The following PC variants were observed in gnomAD, a reference collection of about 807,000 sequenced individuals.
PC encodes the protein pyruvate carboxylase.
Under a neutral mutation model 107.8 loss-of-function variants are expected in PC, and 46 were observed. That is an observed-to-expected ratio of 0.43 (90% CI 0.34 to 0.55). PC has a LOEUF of 0.55. Ranked by LOEUF, PC falls within the 20% of genes least tolerant of loss-of-function variation. PC has a pLI of 0.04. For synonymous variants in PC, 662 were observed against 684.7 expected, an observed-to-expected ratio of 0.97 and a Z score of 0.52; for missense variants, 1,241 against 1,643.1, an observed-to-expected ratio of 0.76 and a Z score of 4.23.
At chr11:66,942,909 G>A (rs546080864) in intron 3 of PC, among the ~76,000 whole-genome samples, 11 of 151,950 alleles carry the variant, frequency 7.2e-5, no homozygotes, top group African/African-American at 1.9e-4. Context: ...CCAGCTACTC[G>A]GGAGGCTGAG....
At chr11:66,913,306 G>C (rs1036957828) in intron 3 of PC, among the ~76,000 whole-genome samples, 8 of 151,460 alleles carry the variant, frequency 5.3e-5, no homozygotes, top group African/African-American at 1.9e-4. Context: ...ACATTATGGG[G>C]ACTCGTCTAT....
intron 3 of PC, among the ~76,000 whole-genome samples, chr11:66,940,688 A>AAAAT (rs942184822): frequency 1.5e-4 from 22 of 148,324 alleles, no homozygotes; most frequent in East Asian, 1.3e-3. Flanking sequence ...ACCCTGTCTC[A>AAAAT]AAATAAATAA....
At chr11:66,949,096 G>A (rs959088958) in intron 3 of PC, among the ~76,000 whole-genome samples, 5 of 151,160 alleles carry the variant, frequency 3.3e-5, no homozygotes, top group East Asian at 2.0e-4. Context: ...GGGTTCAAGC[G>A]ATTCTCCTGC....
intron 3 of PC, among the ~76,000 whole-genome samples, chr11:66,878,010 T>C (rs1947044660): frequency 6.6e-6 from 1 of 151,896 alleles, no homozygotes. Context: ...TATTTATAAT[T>C]AGAAAAAAAA....
rs772717561 is a variant in PC at position 66,851,153 on chromosome 11, T to C, written c.2110A>G (p.Ile704Val). The C allele has an allele frequency of 6.2e-7, 1 of 1,612,574 alleles. No homozygotes were observed. Among genetic ancestry groups the C allele is most frequent in the South Asian group, 1.1e-5 (1 of 91,090 alleles). ...TCGGCCACGTCGCCCGTGTATGAGA[T>C]GGCAGCCTCCACCACGCCTCCGGCA... ...GSAGGVVEAA[I>V]SYTGDVADPS... Residue 704 changes from isoleucine (I) to valine (V), a missense_variant, in exon 17 of 23, where the codon ATC becomes GTC. Around this residue, in one of 2 missense-constraint regions of PC, gnomAD observed 1,143 missense variants for 1,551.9 expected, o/e 0.74. Coordinates refer to ENST00000393960, the MANE Select transcript of PC (RefSeq NM_001040716.2).
intron 3 of PC, among the ~76,000 whole-genome samples, chr11:66,889,192 G>C (rs1325674126): frequency 1.3e-5 from 2 of 152,060 alleles, no homozygotes; most frequent in Admixed American, 1.3e-4. Flanking sequence ...GTTTGAGATG[G>C]GGAGGGCAGT....
intron 10 of PC, among the ~76,000 whole-genome samples, chr11:66,867,602 G>A (rs138841666): frequency 2.0e-5 from 3 of 152,320 alleles, no homozygotes; most frequent in East Asian, 3.9e-4. Flanking sequence ...ATTCCCACCA[G>A]AGGAGGAGCT....
In PC at chr11:66,871,583, A is replaced by C. The variant is rs1195503363; in HGVS notation, c.322-103T>G. On this transcript the variant is annotated intron_variant, in intron 5 of 22. Transcript: ENST00000393960. This position sits in a 1 kb window ranked among gnomAD's most constrained non-coding sequence, Gnocchi z 7.4. ...CCTGCTGAGCTGCATCCGTTTACCC[A>C]CCCACGCACAGAGGCGCTGAGCACG... is the stretch of plus-strand genomic sequence containing the variant. 92 of 1,581,584 alleles carry C rather than the reference A, an allele frequency of 5.8e-5. No homozygotes were observed. The highest frequency in any genetic ancestry group is 7.9e-5 in the Non-Finnish European group (91 of 1,154,746).
In PC at chr11:66,853,712, C is replaced by T. The variant is rs185395364; in HGVS notation, c.1369-329G>A. Among the ~76,000 whole-genome samples the T allele has an allele frequency of 6.4e-4, 98 of 152,344 alleles. 3 individuals carry two copies. The highest frequency in any genetic ancestry group is 1.8e-3 in the African/African-American group (74 of 41,580). On this transcript the variant is annotated intron_variant, in intron 12 of 22. Coordinates refer to ENST00000393960, the MANE Select transcript of PC (RefSeq NM_001040716.2). Reference sequence around the variant, plus strand: ...GCCCACAGCAGTCACCCTTGCCCCTCGTCCACGCTTCTCGAAAGAGGGCCT... The same window carrying T: ...GCCCACAGCAGTCACCCTTGCCCCTTGTCCACGCTTCTCGAAAGAGGGCCT...
intron 3 of PC, among the ~76,000 whole-genome samples, chr11:66,904,568 G>T (rs1306733066): frequency 2.6e-5 from 4 of 152,228 alleles, no homozygotes; most frequent in Non-Finnish European, 5.9e-5. Flanking sequence ...AGCCTGGGAG[G>T]TCAAGGCTGC....
chr11:66,937,041 G>A (rs912600311), intron 3 of PC, among the ~76,000 whole-genome samples: 104 of 151,980 alleles, frequency 6.8e-4, no homozygotes, highest in Non-Finnish European at 1.1e-3. Flanking sequence ...TGGGGGTTTC[G>A]CCATGTTGGT....
At chr11:66,929,595 G>A (rs1948797435) in intron 3 of PC, among the ~76,000 whole-genome samples, 1 of 152,120 alleles carries the variant, frequency 6.6e-6, no homozygotes, top group South Asian at 2.1e-4. Flanking sequence ...TCGAACTCCT[G>A]AACTCAAGTG....
intron 3 of PC, among the ~76,000 whole-genome samples, chr11:66,935,861 G>A (rs557401542): frequency 6.6e-5 from 10 of 152,258 alleles, no homozygotes; most frequent in African/African-American, 2.4e-4. Flanking sequence ...GGCCGAGGCA[G>A]GAGGATCGCT....
chr11:66,884,852 A>C (rs1179100168), intron 3 of PC, among the ~76,000 whole-genome samples: 1 of 152,220 alleles, frequency 6.6e-6, no homozygotes, highest in African/African-American at 2.4e-5. Context: ...TAGGGGCACC[A>C]AAGACTCAAT....
intron 12 of PC, chr11:66,860,746 G>T: frequency 1.4e-6 from 1 of 699,414 alleles, no homozygotes; most frequent in Non-Finnish European, 2.6e-6. Context: ...GCCAGGTGGC[G>T]ACAGGACGCC....
intron 12 of PC, chr11:66,859,941 A>C (rs1946141119): frequency 1.3e-6 from 2 of 1,593,690 alleles, no homozygotes; most frequent in Non-Finnish European, 1.7e-6. Flanking sequence ...CCTCCCCCTC[A>C]AGCTCAGCCA....
At chr11:66,928,183 G>A (rs987865766) in intron 3 of PC, among the ~76,000 whole-genome samples, 2 of 152,014 alleles carry the variant, frequency 1.3e-5, no homozygotes, top group Non-Finnish European at 2.9e-5. Context: ...TCAGGAGATC[G>A]AGACCATCCT....
At chr11:66,926,971 G>C (rs1948732064) in intron 3 of PC, among the ~76,000 whole-genome samples, 1 of 151,174 alleles carries the variant, frequency 6.6e-6, no homozygotes, top group African/African-American at 2.4e-5. Flanking sequence ...ATGAACATCT[G>C]GGTTGTTTCC....
At chr11:66,956,352 A>G (rs1056413557) in intron 1 of PC, among the ~76,000 whole-genome samples, 133 of 152,008 alleles carry the variant, frequency 8.7e-4, no homozygotes, top group African/African-American at 3.0e-3. Flanking sequence ...TGGGAGGTCG[A>G]GGTGGGCGGA....
Sources: gnomAD v4.1 joint callset for allele counts (sites outside exome capture counted in the v4.1 genomes callset) on GRCh38, gnomAD v4.1.1 for gene constraint, gnomAD v4.1.1 regional missense constraint, Gnocchi (gnomAD v3.1) non-coding constraint, MANE v1.5 for transcripts, NCBI Gene and HGNC (gene_info 2026-07-23, HGNC 2026-07-21) for gene names.